Variants in ZNF423 observed in about 807,000 individuals in gnomAD.
ZNF423 encodes the protein zinc finger protein 423.
In ZNF423, 12 loss-of-function variants were observed where a neutral mutation model predicts 95.8. The ratio of observed to expected loss-of-function variants is 0.13; its 90% CI spans 0.08 to 0.20. The LOEUF is 0.20. Among genes scored for constraint, ZNF423 ranks in the 10% least tolerant of loss-of-function variants. The pLI is 1.00. For missense variants in ZNF423, 1,316 were observed against 1,737.1 expected, an observed-to-expected ratio of 0.76 and a Z score of 4.31; for synonymous variants, 749 against 711.9, an observed-to-expected ratio of 1.05 and a Z score of -0.83.
intron 1 of ZNF423, among the ~76,000 whole-genome samples, chr16:49,810,937 G>A (rs1288417076): frequency 1.3e-5 from 2 of 152,158 alleles, no homozygotes; most frequent in Admixed American, 1.3e-4. Flanking sequence ...CCACGAGGAT[G>A]TGGCTAAGGA....
At chr16:49,774,914 A>T (rs2034095578) in intron 2 of ZNF423, among the ~76,000 whole-genome samples, 2 of 152,122 alleles carry the variant, frequency 1.3e-5, no homozygotes. Flanking sequence ...CCTCTCTATG[A>T]CTCAAAGCAT....
At chr16:49,618,131 G>A (rs755801271) in intron 5 of ZNF423, among the ~76,000 whole-genome samples, 65 of 152,206 alleles carry the variant, frequency 4.3e-4, no homozygotes, top group African/African-American at 1.2e-3. Flanking sequence ...GGTTAAGGGC[G>A]CAGGCCCCGA....
At chr16:49,622,888 C>T (rs1295917991) in intron 5 of ZNF423, among the ~76,000 whole-genome samples, 1 of 152,192 alleles carries the variant, frequency 6.6e-6, no homozygotes, top group Non-Finnish European at 1.5e-5. Flanking sequence ...GACCTCTTTG[C>T]TGCATGCTAT....
rs561373346 is a variant in ZNF423, at chr16:49,740,013, C to T, written c.101-9042G>A. On this transcript the variant is annotated intron_variant, in intron 2 of 7. Transcript: ENST00000563137. ...AGCTGGGATTACAGGCGCCTGCCAACGCACTCGGCTAGACCCAGGTAATTT... is the reference window on the plus strand; with the variant it reads ...AGCTGGGATTACAGGCGCCTGCCAATGCACTCGGCTAGACCCAGGTAATTT... 3.9e-5 allele frequency among the ~76,000 whole-genome samples: 6 copies of T among 152,074 alleles called. No homozygotes were observed. In the South Asian group the frequency reaches 1.0e-3, roughly 26 times the overall value.
At chr16:49,799,627 C>A (rs772846204) in intron 1 of ZNF423, among the ~76,000 whole-genome samples, 1 of 152,180 alleles carries the variant, frequency 6.6e-6, no homozygotes, top group Admixed American at 6.5e-5. Context: ...GAGATCTCTG[C>A]AGAAGAAGCA....
chr16:49,532,374 G>A (rs1229670819), intron 5 of ZNF423, among the ~76,000 whole-genome samples: 21 of 152,106 alleles, frequency 1.4e-4, no homozygotes, highest in Admixed American at 1.3e-3. Flanking sequence ...AGCCCACCAC[G>A]CTGCTCCCAT....
At chr16:49,676,480 G>A (rs997301949) in intron 3 of ZNF423, among the ~76,000 whole-genome samples, 1 of 152,126 alleles carries the variant, frequency 6.6e-6, no homozygotes, top group Non-Finnish European at 1.5e-5. Context: ...TCAGACACAT[G>A]GCCTTCACAC....
chr16:49,852,139 C>A (rs2035308777), intron 1 of ZNF423, among the ~76,000 whole-genome samples: 1 of 151,692 alleles, frequency 6.6e-6, no homozygotes, highest in Admixed American at 6.6e-5. Flanking sequence ...CCTAGACCAC[C>A]AAATTTATAA....
At chr16:49,566,851 A>C (rs1172591605) in intron 5 of ZNF423, among the ~76,000 whole-genome samples, 1 of 151,808 alleles carries the variant, frequency 6.6e-6, no homozygotes, top group East Asian at 1.9e-4. Context: ...AATTTTGGGG[A>C]GGGGGTCAGC....
At chr16:49,665,822 A>G (rs1218938145) in intron 3 of ZNF423, among the ~76,000 whole-genome samples, 1 of 152,222 alleles carries the variant, frequency 6.6e-6, no homozygotes, top group Non-Finnish European at 1.5e-5. Flanking sequence ...GGATGGGAAG[A>G]CAGAAGGGAG....
intron 1 of ZNF423, among the ~76,000 whole-genome samples, chr16:49,807,630 T>A (rs2034686083): frequency 6.6e-6 from 1 of 152,222 alleles, no homozygotes; most frequent in Non-Finnish European, 1.5e-5. Context: ...TGCTCCCGAC[T>A]TGGCCCCATT....
intron 1 of ZNF423, among the ~76,000 whole-genome samples, chr16:49,803,156 G>C (rs918955137): frequency 4.6e-5 from 7 of 152,184 alleles, no homozygotes; most frequent in African/African-American, 1.7e-4. Context: ...CTACTCAGGA[G>C]GCTGAGGCAG....
At chr16:49,825,105 T>C (rs2144037617) in intron 1 of ZNF423, among the ~76,000 whole-genome samples, 1 of 152,364 alleles carries the variant, frequency 6.6e-6, no homozygotes, top group South Asian at 2.1e-4. Context: ...TACTCCAGGA[T>C]TTTCATTAGG....
intron 4 of ZNF423, among the ~76,000 whole-genome samples, chr16:49,630,166 G>T (rs1460492615): frequency 6.6e-6 from 1 of 152,168 alleles, no homozygotes; most frequent in Non-Finnish European, 1.5e-5. Context: ...AGACAGGGCT[G>T]GGGAGTCCAG....
chr16:49,637,082 G>A lies in ZNF423; in HGVS notation c.2094C>T (p.Thr698=), dbSNP rs1405049653. The part of the protein sequence containing the change: ...HLTVHYMTTS[T]HYVCESCDKQ... ...TGTCGCAGCTCTCGCACACATAGTGGGTCGACGTGGTCATGTAATGCACTG... is the reference window on the plus strand; with the variant it reads ...TGTCGCAGCTCTCGCACACATAGTGAGTCGACGTGGTCATGTAATGCACTG... Residue 698 remains threonine, a synonymous_variant, in exon 4 of 8, where the codon ACC becomes ACT. Transcript: ENST00000563137. This position sits in a 1 kb window ranked among gnomAD's most constrained non-coding sequence, Gnocchi z 5.6. 1 of 1,613,728 alleles carries A rather than the reference G, an allele frequency of 6.2e-7. No homozygotes were observed. Among genetic ancestry groups the A allele is most frequent in the Non-Finnish European group, 8.5e-7 (1 of 1,180,044 alleles).
chr16:49,497,098 C>T (rs930797839), intron 7 of ZNF423, among the ~76,000 whole-genome samples: 7 of 152,210 alleles, frequency 4.6e-5, no homozygotes, highest in African/African-American at 1.7e-4. Flanking sequence ...CTGCTTTCTC[C>T]TCCCCACCCT....
intron 5 of ZNF423, among the ~76,000 whole-genome samples, chr16:49,532,111 A>G (rs1334112691): frequency 5.3e-5 from 8 of 152,238 alleles, no homozygotes; most frequent in Non-Finnish European, 8.8e-5. Context: ...GAAGTTTTCT[A>G]GTCACTTTTT....
chr16:49,756,673 C>T (rs910099142), intron 2 of ZNF423, among the ~76,000 whole-genome samples: 2 of 152,220 alleles, frequency 1.3e-5, no homozygotes, highest in Non-Finnish European at 2.9e-5. Context: ...CCTCATCCAG[C>T]CCAGCTCTCA....
At position 49,664,098 on chromosome 16, in the gene ZNF423, C is replaced by G. The variant is rs577710386; in HGVS notation, c.302-25224G>C. ...TCCCATGCCTCCGCTTACCTTTCCC[C>G]CTGCTCACCAGGGCGTCCCAGGGCA... On this transcript the variant is annotated intron_variant, in intron 3 of 7. Transcript: ENST00000563137. 5.1e-6 allele frequency: 5 copies of G among 985,618 alleles called. No individual in the cohort carries two copies. In the South Asian group the frequency reaches 1.9e-4, roughly 37 times the overall value. 61.1% of individuals were successfully genotyped at this position (985,618 alleles called of 1,614,324 possible).
Sources: gnomAD v4.1 joint callset for allele counts (sites outside exome capture counted in the v4.1 genomes callset) on GRCh38, gnomAD v4.1.1 for gene constraint, Gnocchi (gnomAD v3.1) non-coding constraint, MANE v1.5 for transcripts, NCBI Gene and HGNC (gene_info 2026-07-23, HGNC 2026-07-21) for gene names.